Variants in EPHB1 observed in about 807,000 individuals in gnomAD.
EPHB1 encodes ephrin type-B receptor 1.
Under a neutral mutation model 94.4 loss-of-function variants are expected in EPHB1, and 30 were observed. That is an observed-to-expected ratio of 0.32 (90% CI 0.24 to 0.43). The LOEUF (loss-of-function observed/expected upper bound fraction) is 0.43, where lower values mean the gene tolerates loss of function less well. EPHB1 is among the 20% of genes least tolerant of loss of function. EPHB1 has a pLI of 1.00. For synonymous variants in EPHB1, 522 were observed against 489.1 expected (o/e 1.07, Z -0.89); for missense variants, 1,055 against 1,308.3 (o/e 0.81, Z 2.99).
At chr3:135,159,325 T>C (rs1941447174) in intron 6 of EPHB1, among the ~76,000 whole-genome samples, 1 of 152,248 alleles carries the variant, frequency 6.6e-6, no homozygotes, top group South Asian at 2.1e-4. Flanking sequence ...TATAAAGTGA[T>C]TATGGAGTAA....
intron 3 of EPHB1, among the ~76,000 whole-genome samples, chr3:135,000,330 G>A (rs1935133116): frequency 6.6e-6 from 1 of 152,188 alleles, no homozygotes; most frequent in African/African-American, 2.4e-5. Flanking sequence ...CATCATCTCT[G>A]CCCATGAGAA....
At chr3:134,860,580 C>A (rs1426634678) in intron 1 of EPHB1, among the ~76,000 whole-genome samples, 1 of 152,038 alleles carries the variant, frequency 6.6e-6, no homozygotes, top group Non-Finnish European at 1.5e-5. Context: ...TTTGGGAGGC[C>A]GAGACGGGCA....
intron 4 of EPHB1, among the ~76,000 whole-genome samples, chr3:135,128,017 A>C (rs577314938): frequency 1.3e-5 from 2 of 152,332 alleles, no homozygotes; most frequent in South Asian, 4.1e-4. Flanking sequence ...CTTTAAACAG[A>C]ATGCATTCAT....
Position 134,976,088 on chromosome 3 carries a change from C to T in EPHB1, c.805+24036C>T, listed in dbSNP as rs564873657. ...GGGTCCTGGATGGGGTATTTCAGGCCCTCTGTACGGGTTAGTTAGTTGTCA... is the reference window on the plus strand; with the variant it reads ...GGGTCCTGGATGGGGTATTTCAGGCTCTCTGTACGGGTTAGTTAGTTGTCA... On this transcript the variant is annotated intron_variant, in intron 3 of 15. Transcript: ENST00000398015. 2.0e-5 allele frequency among the ~76,000 whole-genome samples: 3 copies of T among 152,216 alleles called. No individual in the cohort carries two copies. In the South Asian group the frequency reaches 6.2e-4, roughly 32 times the overall value.
intron 1 of EPHB1, among the ~76,000 whole-genome samples, chr3:134,860,160 CACACACACACAG>C (rs1356188826): frequency 7.6e-6 from 1 of 131,518 alleles, no homozygotes; most frequent in Non-Finnish European, 1.6e-5. Context: ...GACACACACA[CACACACACACAG>C]ACACACACAC....
chr3:135,168,371 C>A (rs77074168), intron 9 of EPHB1, among the ~76,000 whole-genome samples: 8,556 of 152,320 alleles, frequency 0.056, 294 homozygotes, highest in South Asian at 0.16. Context: ...CAGAGTCCTG[C>A]TTATTCCTCT....
At chr3:134,897,017 G>A (rs1164475499) in intron 1 of EPHB1, among the ~76,000 whole-genome samples, 3 of 152,250 alleles carry the variant, frequency 2.0e-5, no homozygotes, top group Non-Finnish European at 4.4e-5. Context: ...ACAGGGCCCT[G>A]CAATGAGATG....
At chr3:135,212,716 A>G (rs1277114352) in intron 12 of EPHB1, among the ~76,000 whole-genome samples, 1 of 152,176 alleles carries the variant, frequency 6.6e-6, no homozygotes, top group African/African-American at 2.4e-5. Context: ...GGGGTTTTCT[A>G]TTGGGGTTTG....
chr3:134,982,759 G>T (rs1200491553), intron 3 of EPHB1, among the ~76,000 whole-genome samples: 1 of 152,068 alleles, frequency 6.6e-6, no homozygotes, highest in African/African-American at 2.4e-5. Context: ...ATTAAACAGA[G>T]CTTTTAAAGG....
chr3:134,996,555 A>G (rs1200930164), intron 3 of EPHB1, among the ~76,000 whole-genome samples: 3 of 152,180 alleles, frequency 2.0e-5, no homozygotes, highest in Non-Finnish European at 2.9e-5. Flanking sequence ...TCTCATTTTT[A>G]AGGCTTTTAA....
At chr3:135,139,517 C>G (rs1305278096) in intron 5 of EPHB1, among the ~76,000 whole-genome samples, 1 of 152,182 alleles carries the variant, frequency 6.6e-6, no homozygotes, top group Non-Finnish European at 1.5e-5. Flanking sequence ...TTTCTGCATG[C>G]CATATACTGC....
chr3:134,909,555 G>A (rs965090888), intron 1 of EPHB1, among the ~76,000 whole-genome samples: 4 of 152,220 alleles, frequency 2.6e-5, no homozygotes, highest in Non-Finnish European at 2.9e-5. Flanking sequence ...TGCTATGAAT[G>A]AGCAGATGAA....
At chr3:134,867,453 A>G (rs1016623684) in intron 1 of EPHB1, among the ~76,000 whole-genome samples, 3 of 152,096 alleles carry the variant, frequency 2.0e-5, no homozygotes, top group African/African-American at 7.2e-5. Flanking sequence ...TGGAGCGTGT[A>G]GGAGCTGGGC....
chr3:134,947,622 G>T (rs1222382303), intron 2 of EPHB1, among the ~76,000 whole-genome samples: 1 of 152,090 alleles, frequency 6.6e-6, no homozygotes, highest in Non-Finnish European at 1.5e-5. Context: ...TACAACTCAG[G>T]GTCACCCATT....
At chr3:134,932,256 C>A (rs562339205) in intron 2 of EPHB1, among the ~76,000 whole-genome samples, 10 of 152,130 alleles carry the variant, frequency 6.6e-5, no homozygotes, top group Non-Finnish European at 1.5e-5. Flanking sequence ...AGTGCCGGTG[C>A]GCAGGCTGAA....
intron 3 of EPHB1, among the ~76,000 whole-genome samples, chr3:134,995,697 A>G (rs1468763853): frequency 6.6e-6 from 1 of 151,392 alleles, no homozygotes; most frequent in East Asian, 1.9e-4. Flanking sequence ...TGCTAGTGGG[A>G]ATATAAAATG....
chr3:134,972,426 AAAGAGGTAATAT>A (rs956688144), intron 3 of EPHB1, among the ~76,000 whole-genome samples: 92 of 145,788 alleles, frequency 6.3e-4, no homozygotes, highest in African/African-American at 2.2e-3. Flanking sequence ...ATAACATATA[AAAGAGGTAATAT>A]ATATTATATG....
chr3:134,957,490 G>C (rs1032345415), intron 3 of EPHB1, among the ~76,000 whole-genome samples: 1 of 152,186 alleles, frequency 6.6e-6, no homozygotes, highest in African/African-American at 2.4e-5. Context: ...AGGCCACCAG[G>C]AGGAAGGTAT....
At chr3:134,993,832 A>G (rs1934900398) in intron 3 of EPHB1, among the ~76,000 whole-genome samples, 1 of 152,216 alleles carries the variant, frequency 6.6e-6, no homozygotes, top group African/African-American at 2.4e-5. Context: ...CACATCTTAC[A>G]GGGTTTCTAC....
Sources: gnomAD v4.1 joint callset for allele counts (sites outside exome capture counted in the v4.1 genomes callset) on GRCh38, gnomAD v4.1.1 for gene constraint, MANE v1.5 for transcripts, NCBI Gene and HGNC (gene_info 2026-07-23, HGNC 2026-07-21) for gene names.